The following KLHL7 variants were observed in gnomAD, a reference collection of about 807,000 sequenced individuals.
KLHL7 encodes kelch like family member 7, also known as kelch-like protein 7.
A neutral mutation model predicts 67.4 loss-of-function variants in KLHL7; 44 were observed. That is an observed-to-expected ratio of 0.65 (90% confidence interval 0.51 to 0.84). The LOEUF (loss-of-function observed/expected upper bound fraction) is 0.84. Ranked by LOEUF, KLHL7 falls within the 40% of genes least tolerant of loss-of-function variation. The pLI, the probability that KLHL7 is intolerant of heterozygous loss-of-function variation, is 0.00. For missense variants in KLHL7, 362 were observed against 718.1 expected (o/e 0.50, Z 5.67); for synonymous variants, 252 against 243.3 (o/e 1.04, Z -0.33).
At position 23,174,947 on chromosome 7, in the gene KLHL7, T is replaced by G. The variant is rs1314390126; in HGVS notation, c.*649T>G. The G allele has an allele frequency of 2.2e-6, 1 of 453,648 alleles. No individual in the cohort carries two copies. The highest frequency in any genetic ancestry group is 6.9e-5 in the East Asian group (1 of 14,402). 28.1% of individuals were successfully genotyped at this position (453,648 alleles called of 1,614,324 possible). ...TTAAATATATTCCATCTTTTTAACA[T>G]AAAATGTAAAGCTTAGCACCCATCA... is the stretch of plus-strand genomic sequence containing the variant. On this transcript the variant is annotated 3_prime_UTR_variant, in exon 11 of 11. Transcript: ENST00000339077.
intron 4 of KLHL7, among the ~76,000 whole-genome samples, chr7:23,130,789 AGAAAG>A (rs1319104251): frequency 3.3e-5 from 5 of 152,222 alleles, no homozygotes; most frequent in Non-Finnish European, 7.3e-5. Flanking sequence ...ACCAAGAAAA[AGAAAG>A]AAAGAAAAAA....
Position 23,106,092 on chromosome 7 carries a change from A to C in KLHL7, c.66A>C (p.Glu22Asp). The change falls in exon 1 of 11, where the codon GAA becomes GAC. Residue 22 changes from glutamate (E) to aspartate (D), a missense_variant. Glu to Asp is a conservative substitution (Grantham distance 45). This residue lies in a region of KLHL7 where 57 missense variants were observed against 81.7 expected (regional missense o/e 0.70). Coordinates refer to ENST00000339077, the MANE Select transcript of KLHL7 (RefSeq NM_001031710.3). ...CCGAGAAGAAACTTGCTGCTCGGGA[A>C]GAAGCTAAATTGTTGGCGGGTTTCA... is the stretch of plus-strand genomic sequence containing the variant. ...KKTEKKLAAR[E>D]EAKLLAGFMG... 6.2e-7 allele frequency: 1 copy of C among 1,609,434 alleles called. No homozygotes were observed. Among genetic ancestry groups the C allele is most frequent in the Non-Finnish European group, 8.5e-7 (1 of 1,178,220 alleles).
rs558799887 is a variant in KLHL7 at position 23,170,201 on chromosome 7, C to T, written c.1379+2164C>T. On this transcript the variant is annotated intron_variant, in intron 9 of 10. Transcript: ENST00000339077. ...TGCACTGCAGCCAGGGCAACAAGAG[C>T]GAAACTCTGTCTCAAAAACAAAAAC... Among the ~76,000 whole-genome samples, 29 of 152,096 alleles carry T rather than the reference C, an allele frequency of 1.9e-4. 2 individuals carry two copies. The East Asian group carries it at 5.4e-3, about 28-fold the overall frequency.
At chr7:23,146,373 A>G (rs1312349100) in intron 6 of KLHL7, among the ~76,000 whole-genome samples, 2 of 152,152 alleles carry the variant, frequency 1.3e-5, no homozygotes, top group Non-Finnish European at 2.9e-5. Context: ...AGCTGTCTTC[A>G]TAGATTGTGT....
chr7:23,147,424 C>G (rs900500296), intron 6 of KLHL7, among the ~76,000 whole-genome samples: 2 of 151,984 alleles, frequency 1.3e-5, no homozygotes, highest in African/African-American at 4.8e-5. Context: ...TTTTTCCTTG[C>G]TTGTGTTTTC....
intron 1 of KLHL7, among the ~76,000 whole-genome samples, chr7:23,115,628 C>A (rs1257042068): frequency 2.0e-5 from 3 of 152,032 alleles, no homozygotes; most frequent in Non-Finnish European, 4.4e-5. Context: ...CCTGCAACCT[C>A]TGCCTCCCAG....
At chr7:23,126,063 T>A (rs534601599) in intron 4 of KLHL7, 124 of 642,198 alleles carry the variant, frequency 1.9e-4, no homozygotes, top group Non-Finnish European at 3.2e-4. Context: ...CTAGCATCAC[T>A]ACTCTTATAT....
intron 9 of KLHL7, among the ~76,000 whole-genome samples, chr7:23,170,772 A>G (rs1436574710): frequency 6.6e-6 from 1 of 152,228 alleles, no homozygotes; most frequent in Non-Finnish European, 1.5e-5. Flanking sequence ...TGTATTATGT[A>G]TCACATTTTT....
intron 1 of KLHL7, among the ~76,000 whole-genome samples, chr7:23,114,579 C>T (rs145343944): frequency 1.4e-3 from 217 of 152,208 alleles, no homozygotes; most frequent in African/African-American, 5.1e-3. Flanking sequence ...TTTGCCTTGT[C>T]TTTTGGTCTA....
intron 1 of KLHL7, among the ~76,000 whole-genome samples, chr7:23,113,925 T>C (rs1370065472): frequency 1.3e-5 from 2 of 152,226 alleles, no homozygotes; most frequent in Admixed American, 6.5e-5. Context: ...ATATAAATTA[T>C]ATCAGATTAG....
At position 23,168,041 on chromosome 7, in the gene KLHL7, TG is replaced by T. The variant is rs1309432256; in HGVS notation, c.1379+5del. 2 of 1,611,816 alleles carry T rather than the reference TG, an allele frequency of 1.2e-6. No homozygotes were observed. The highest frequency in any genetic ancestry group is 1.7e-6 in the Non-Finnish European group (2 of 1,177,806). On this transcript the variant is annotated splice_donor_5th_base_variant and intron_variant, in intron 9 of 10. Coordinates refer to ENST00000339077, the MANE Select transcript of KLHL7 (RefSeq NM_001031710.3). Reference sequence around the variant, plus strand: ...TTTATGATCCTGCCACAGAAACGTATGTATCTATTTAAAATTTATTTTACAG... The same window carrying T: ...TTTATGATCCTGCCACAGAAACGTATTATCTATTTAAAATTTATTTTACAG...
chr7:23,116,616 A>G (rs1783099975), intron 1 of KLHL7, among the ~76,000 whole-genome samples: 2 of 152,172 alleles, frequency 1.3e-5, no homozygotes, highest in Admixed American at 1.3e-4. Flanking sequence ...TTGCATACAT[A>G]TTCCTCTAAT....
chr7:23,158,081 C>A (rs1340029667), intron 7 of KLHL7, among the ~76,000 whole-genome samples: 1 of 152,158 alleles, frequency 6.6e-6, no homozygotes, highest in East Asian at 1.9e-4. Flanking sequence ...TCCCCCACCT[C>A]AGCCTCTCTA....
In KLHL7 at chr7:23,140,918, A is replaced by G. The variant is rs754974708; in HGVS notation, c.592A>G (p.Thr198Ala). Reference sequence around the variant, plus strand: ...AGTAACACATCTTCTCAACCAGGACACTCTGACTGTGAGAGCAGAGGATCA... The same window carrying G: ...AGTAACACATCTTCTCAACCAGGACGCTCTGACTGTGAGAGCAGAGGATCA... The part of the protein sequence containing the change: ...KRVTHLLNQD[T>A]LTVRAEDQVY... Residue 198 changes from threonine (T) to alanine (A), a missense_variant, in exon 5 of 11, where the codon ACT becomes GCT. By Grantham distance (58) the Thr-to-Ala change is moderately conservative. Coordinates refer to ENST00000339077, the MANE Select transcript of KLHL7 (RefSeq NM_001031710.3). The G allele has an allele frequency of 6.2e-7, 1 of 1,614,026 alleles. No homozygotes were observed. The highest frequency in any genetic ancestry group is 1.1e-5 in the South Asian group (1 of 91,086).
chr7:23,133,349 T>A (rs1783866641), intron 4 of KLHL7, among the ~76,000 whole-genome samples: 1 of 152,124 alleles, frequency 6.6e-6, no homozygotes, highest in Non-Finnish European at 1.5e-5. Flanking sequence ...ATTATAGAGA[T>A]CTTTCACTTC....
chr7:23,120,523 T>A (rs1783291253), intron 1 of KLHL7, among the ~76,000 whole-genome samples: 1 of 152,182 alleles, frequency 6.6e-6, no homozygotes, highest in Non-Finnish European at 1.5e-5. Flanking sequence ...CGCTTATTTC[T>A]CTTTGTTGGG....
At chr7:23,148,366 A>T (rs1784423961) in intron 6 of KLHL7, among the ~76,000 whole-genome samples, 1 of 151,368 alleles carries the variant, frequency 6.6e-6, no homozygotes, top group African/African-American at 2.4e-5. Context: ...ATCCTTACAA[A>T]TACCTATATT....
intron 4 of KLHL7, among the ~76,000 whole-genome samples, chr7:23,126,235 G>A (rs1783568948): frequency 6.6e-6 from 1 of 152,178 alleles, no homozygotes; most frequent in Non-Finnish European, 1.5e-5. Context: ...AGGCAGGATG[G>A]AGCAGGATGA....
intron 1 of KLHL7, among the ~76,000 whole-genome samples, chr7:23,108,313 A>G (rs1415685926): frequency 6.6e-6 from 1 of 152,218 alleles, no homozygotes; most frequent in African/African-American, 2.4e-5. Context: ...GGCCGATTCT[A>G]TACATAGAGG....
Sources: gnomAD v4.1 joint callset for allele counts (sites outside exome capture counted in the v4.1 genomes callset) on GRCh38, gnomAD v4.1.1 for gene constraint, gnomAD v4.1.1 regional missense constraint, MANE v1.5 for transcripts, NCBI Gene and HGNC (gene_info 2026-07-23, HGNC 2026-07-21) for gene names.